Variants in SEMA5A observed in about 807,000 individuals in gnomAD.
SEMA5A encodes semaphorin-5A.
Under a neutral mutation model 135.5 loss-of-function variants are expected in SEMA5A, and 55 were observed. The observed-to-expected ratio is 0.41, with a 90% CI of 0.33 to 0.51. SEMA5A has a LOEUF of 0.51. Ranked by LOEUF, SEMA5A falls within the 20% of genes least tolerant of loss-of-function variation. The pLI is 0.37. For missense variants in SEMA5A, 1,290 were observed against 1,419.9 expected, an observed-to-expected ratio of 0.91 and a Z score of 1.47; for synonymous variants, 580 against 546.5, an observed-to-expected ratio of 1.06 and a Z score of -0.85.
chr5:9,436,146 AG>A (rs1245382858), intron 2 of SEMA5A, among the ~76,000 whole-genome samples: 2 of 152,176 alleles, frequency 1.3e-5, no homozygotes, highest in Non-Finnish European at 2.9e-5. Flanking sequence ...CGAACCTGAA[AG>A]GGTTGTTATG....
intron 5 of SEMA5A, among the ~76,000 whole-genome samples, chr5:9,255,662 G>A (rs1038423882): frequency 6.6e-6 from 1 of 152,018 alleles, no homozygotes; most frequent in Non-Finnish European, 1.5e-5. Flanking sequence ...TCCTCCAATG[G>A]TGGCATGGCC....
chr5:9,321,284 G>A (rs1752616836), intron 4 of SEMA5A, among the ~76,000 whole-genome samples: 1 of 152,074 alleles, frequency 6.6e-6, no homozygotes, highest in African/African-American at 2.4e-5. Flanking sequence ...CCCAGTCTCA[G>A]CTATTTCTTT....
At chr5:9,396,830 C>T (rs932254988) in intron 2 of SEMA5A, among the ~76,000 whole-genome samples, 1 of 152,178 alleles carries the variant, frequency 6.6e-6, no homozygotes, top group Non-Finnish European at 1.5e-5. Context: ...TTTACAGAGT[C>T]TGTGAGCATA....
chr5:9,131,129 C>T (rs1314687050), intron 13 of SEMA5A, among the ~76,000 whole-genome samples: 1 of 152,132 alleles, frequency 6.6e-6, no homozygotes, highest in Admixed American at 6.5e-5. Context: ...TAAAGGAATA[C>T]CTGAGGCTGG....
At chr5:9,303,351 C>T (rs956072442) in intron 5 of SEMA5A, among the ~76,000 whole-genome samples, 6 of 152,050 alleles carry the variant, frequency 3.9e-5, no homozygotes, top group African/African-American at 1.4e-4. Context: ...CTCCTAACCT[C>T]GTGATCCACC....
Position 9,062,793 on chromosome 5 carries a change from C to T in SEMA5A, c.2518+94G>A, listed in dbSNP as rs553843184. 1.0e-4 allele frequency: 134 copies of T among 1,306,156 alleles called. No individual in the cohort carries two copies. In the African/African-American group the frequency reaches 1.4e-3, roughly 14 times the overall value. 80.9% of individuals were successfully genotyped at this position (1,306,156 alleles called of 1,614,324 possible). ...TTATTAAGAACACAGATCTCAAACACGAAGCCAGGGAGCTGCGTGAGGCCT... is the reference window on the plus strand; with the variant it reads ...TTATTAAGAACACAGATCTCAAACATGAAGCCAGGGAGCTGCGTGAGGCCT... On this transcript the variant is annotated intron_variant, in intron 18 of 22. Transcript: ENST00000382496.
chr5:9,387,584 C>A (rs1755952757), intron 2 of SEMA5A, among the ~76,000 whole-genome samples: 1 of 152,142 alleles, frequency 6.6e-6, no homozygotes, highest in Non-Finnish European at 1.5e-5. Flanking sequence ...AATAAACAAT[C>A]CAGGAGAATC....
chr5:9,374,230 G>A (rs1281886027), intron 3 of SEMA5A, among the ~76,000 whole-genome samples: 1 of 151,844 alleles, frequency 6.6e-6, no homozygotes, highest in East Asian at 1.9e-4. Context: ...CTAGACAGGA[G>A]GAGCCTGCAG....
chr5:9,441,528 A>T (rs1579545785), intron 1 of SEMA5A, among the ~76,000 whole-genome samples: 1 of 152,162 alleles, frequency 6.6e-6, no homozygotes, highest in African/African-American at 2.4e-5. Flanking sequence ...CCAAGATAAG[A>T]GTTTGCAGGA....
chr5:9,187,961 T>C (rs1744898160), intron 11 of SEMA5A, among the ~76,000 whole-genome samples: 1 of 152,196 alleles, frequency 6.6e-6, no homozygotes, highest in Non-Finnish European at 1.5e-5. Context: ...TTCTAGAAAC[T>C]TTTAAATAGT....
rs1561266850 is a variant in SEMA5A at position 9,455,265 on chromosome 5, T to TTA, written c.-174-17414_-174-17413insTA. 3.0e-3 allele frequency among the ~76,000 whole-genome samples: 452 copies of TTA among 150,910 alleles called. 9 individuals carry two copies. The East Asian group carries it at 0.043, about 14-fold the overall frequency. ...TTTTATTTTATTTATTTATTTTTTT[T>TTA]TTTTTTTTGAGACAGAATCTCACTC... is the stretch of plus-strand genomic sequence containing the variant. On this transcript the variant is annotated intron_variant, in intron 1 of 22. Coordinates refer to ENST00000382496, the MANE Select transcript of SEMA5A (RefSeq NM_003966.3).
At chr5:9,366,547 C>A (rs1447766376) in intron 3 of SEMA5A, among the ~76,000 whole-genome samples, 2 of 152,144 alleles carry the variant, frequency 1.3e-5, no homozygotes, top group Non-Finnish European at 2.9e-5. Context: ...CACCACCACG[C>A]CCAGCTAAGT....
intron 5 of SEMA5A, among the ~76,000 whole-genome samples, chr5:9,317,242 A>G (rs1189506830): frequency 6.6e-6 from 1 of 152,188 alleles, no homozygotes; most frequent in African/African-American, 2.4e-5. Context: ...ATGGAGATTT[A>G]TTATTTATTA....
chr5:9,490,092 T>TA (rs538458083), intron 1 of SEMA5A, among the ~76,000 whole-genome samples: 113 of 152,172 alleles, frequency 7.4e-4, no homozygotes, highest in African/African-American at 2.5e-3. Flanking sequence ...GGTAAGATAA[T>TA]AAAAAATACA....
chr5:9,452,313 CATGGCT>C (rs2126707422), intron 1 of SEMA5A, among the ~76,000 whole-genome samples: 1 of 152,334 alleles, frequency 6.6e-6, no homozygotes, highest in East Asian at 1.9e-4. Context: ...TTGACAGACA[CATGGCT>C]GTGAAGCAGT....
intron 1 of SEMA5A, among the ~76,000 whole-genome samples, chr5:9,438,109 A>G (rs972143439): frequency 5.3e-5 from 8 of 152,260 alleles, no homozygotes; most frequent in African/African-American, 1.9e-4. Flanking sequence ...AACAGATGAA[A>G]TAACTCTCAT....
In SEMA5A at chr5:9,154,614, G is replaced by C; in HGVS notation, c.1355C>G (p.Pro452Arg). ...SCLLEEIELFPERRREPIRSL... is the reference protein window; with the variant it reads ...SCLLEEIELFRERRREPIRSL... ...CCTGATGGGCTCCCTCCGCCTCTCA[G>C]GGAAGAGCTCAATCTCTTCCAGCAA... The change falls in exon 12 of 23, where the codon CCT (proline) becomes CGT (arginine). Residue 452 changes from proline to arginine, a missense_variant. Physicochemically the swap from Pro to Arg is moderately radical, Grantham distance 103. Coordinates refer to ENST00000382496, the MANE Select transcript of SEMA5A (RefSeq NM_003966.3). 6.2e-7 allele frequency: 1 copy of C among 1,614,086 alleles called. No homozygotes were observed. The highest frequency in any genetic ancestry group is 1.1e-5 in the South Asian group (1 of 91,078).
intron 15 of SEMA5A, among the ~76,000 whole-genome samples, chr5:9,111,949 G>T (rs1579414661): frequency 6.6e-6 from 1 of 151,916 alleles, no homozygotes; most frequent in African/African-American, 2.4e-5. Context: ...CTGGTTAAGG[G>T]TTTTAAAATT....
At chr5:9,315,664 T>C (rs913027048) in intron 5 of SEMA5A, among the ~76,000 whole-genome samples, 2 of 152,158 alleles carry the variant, frequency 1.3e-5, no homozygotes, top group Admixed American at 6.6e-5. Context: ...GTGTATCTGA[T>C]GGTTCCTCAT....
Sources: allele counts gnomAD v4.1 joint callset (sites outside exome capture counted in the v4.1 genomes callset), GRCh38; gene constraint gnomAD v4.1.1; transcripts MANE v1.5; gene names NCBI Gene and HGNC (gene_info 2026-07-23, HGNC 2026-07-21).